Variants in ABCC10 observed in about 807,000 individuals in gnomAD.
ABCC10 encodes ATP binding cassette subfamily C member 10.
A neutral mutation model predicts 143.2 loss-of-function variants in ABCC10; 110 were observed. The observed-to-expected ratio is 0.77, with a 90% CI of 0.66 to 0.90. The LOEUF (loss-of-function observed/expected upper bound fraction) is 0.90, where lower values mean the gene tolerates loss of function less well. Ranked by LOEUF, ABCC10 falls within the 40% of genes least tolerant of loss-of-function variation. The pLI, the probability that ABCC10 is intolerant of heterozygous loss-of-function variation, is 0.00. For missense variants in ABCC10, 1,700 were observed against 1,900.5 expected, an observed-to-expected ratio of 0.89 and a Z score of 1.96; for synonymous variants, 805 against 846.7, an observed-to-expected ratio of 0.95 and a Z score of 0.85.
intron 8 of ABCC10, among the ~76,000 whole-genome samples, chr6:43,439,261 C>G (rs1782075248): frequency 6.6e-6 from 1 of 152,152 alleles, no homozygotes; most frequent in African/African-American, 2.4e-5. Context: ...CCCACCCAAC[C>G]CTGCTGTCCC....
At chr6:43,445,976 T>TG (rs777782601) in intron 15 of ABCC10, 34 bp downstream of exon 15, 5 of 1,585,530 alleles carry the variant, frequency 3.2e-6, no homozygotes, top group Middle Eastern at 1.7e-4. Context: ...GATGAGGTGT[T>TG]GGGGGGAGAG....
At chr6:43,431,139 C>T (rs1025646039) in intron 2 of ABCC10, among the ~76,000 whole-genome samples, 12 of 152,168 alleles carry the variant, frequency 7.9e-5, no homozygotes, top group Non-Finnish European at 1.3e-4. Context: ...CTAAAGGAGT[C>T]GCAAAAGCAA....
chr6:43,434,912 TG>T, intron 4 of ABCC10, 64 bp downstream of exon 4: 2 of 1,539,592 alleles, frequency 1.3e-6, no homozygotes, highest in South Asian at 1.1e-5. Context: ...GACAGAGGCT[TG>T]GGCCCTCAGT....
intron 15 of ABCC10, 152 bp from the exon 16 acceptor site, chr6:43,446,125 A>G: frequency 1.8e-6 from 2 of 1,116,430 alleles, no homozygotes; most frequent in South Asian, 1.5e-5. Flanking sequence ...GAAAGAGCAC[A>G]CTGGCATCTG....
chr6:43,431,727 A>C (rs1318897347), intron 2 of ABCC10: 1 of 790,866 alleles, frequency 1.3e-6, no homozygotes, highest in African/African-American at 1.9e-5. Context: ...ACATGGATAT[A>C]TTATGTGATG....
At position 43,443,814 on chromosome 6, in the gene ABCC10, C is replaced by G; in HGVS notation, c.2417-119C>G. ...CTGCTCGAGGTCTAGGGGTATCCTG[C>G]TAGGGTGGGTTAGACGGGGAGGCCT... On this transcript the variant is annotated intron_variant, in intron 10 of 21. Coordinates refer to ENST00000372530, the MANE Select transcript of ABCC10 (RefSeq NM_001198934.2). The surrounding 1 kb of genome is among the most constrained non-coding windows in gnomAD (Gnocchi z 4.2). 4 of 1,036,430 alleles carry G rather than the reference C, an allele frequency of 3.9e-6. No individual in the cohort carries two copies. The highest frequency in any genetic ancestry group is 6.0e-6 in the Non-Finnish European group (4 of 664,720). 64.2% of individuals were successfully genotyped at this position (1,036,430 alleles called of 1,614,324 possible).
At chr6:43,440,536 G>A (rs1782284133) in intron 8 of ABCC10, among the ~76,000 whole-genome samples, 1 of 152,124 alleles carries the variant, frequency 6.6e-6, no homozygotes, top group Non-Finnish European at 1.5e-5. Context: ...GCCAAGGAGG[G>A]TGGATCGCTT....
Position 43,432,713 on chromosome 6 carries a change from C to G in ABCC10, c.733C>G (p.Gln245Glu), listed in dbSNP as rs1306473049. Residue 245 changes from glutamine to glutamate, a missense_variant, in exon 3 of 22, where the codon CAG (glutamine) becomes GAG (glutamate). Transcript: ENST00000372530. ...RGACGELRQP[Q>E]DICRLPHRLQ... Reference sequence around the variant, plus strand: ...GGCCTGTGGAGAGCTCCGGCAGCCTCAGGACATTTGCCGCCTCCCCCACAG... The same window carrying G: ...GGCCTGTGGAGAGCTCCGGCAGCCTGAGGACATTTGCCGCCTCCCCCACAG... 6.2e-7 allele frequency: 1 copy of G among 1,614,128 alleles called. No homozygotes were observed. Among genetic ancestry groups the G allele is most frequent in the South Asian group, 1.1e-5 (1 of 91,090 alleles).
chr6:43,435,927 C>A lies in ABCC10; in HGVS notation c.1765+20C>A, dbSNP rs751777640. ...GCCCAGGTAATGGGAAGCTAGTGGGCAGAACCTGGCACAGGGTGAGGAGGG... is the reference window on the plus strand; with the variant it reads ...GCCCAGGTAATGGGAAGCTAGTGGGAAGAACCTGGCACAGGGTGAGGAGGG... On this transcript the variant is annotated intron_variant, in intron 5 of 21. Coordinates refer to ENST00000372530, the MANE Select transcript of ABCC10 (RefSeq NM_001198934.2). 2 of 1,613,500 alleles carry A rather than the reference C, an allele frequency of 1.2e-6. No homozygotes were observed. Among genetic ancestry groups the A allele is most frequent in the South Asian group, 2.2e-5 (2 of 91,006 alleles).
rs1298956574 is a variant in ABCC10 at position 43,438,669 on chromosome 6, C to T, written c.2001C>T (p.Gly667=). The part of the protein sequence containing the change: ...VAVRGLSKGF[G]LATQEPWIQF... ...TGCGGGGGCTGTCCAAGGGCTTTGG[C>T]CTGGCCACCCAGGAACCCTGGATCC... The change falls in exon 8 of 22, where the codon GGC becomes GGT. Residue 667 remains glycine, a synonymous_variant. Coordinates refer to ENST00000372530, the MANE Select transcript of ABCC10 (RefSeq NM_001198934.2). 18 of 1,614,178 alleles carry T rather than the reference C, an allele frequency of 1.1e-5. No individual in the cohort carries two copies. Among genetic ancestry groups the T allele is most frequent in the Non-Finnish European group, 1.5e-5 (18 of 1,180,034 alleles).
At chr6:43,431,927 G>A (rs1052188993) in intron 2 of ABCC10, 55 of 1,392,862 alleles carry the variant, frequency 3.9e-5, no homozygotes, top group Middle Eastern at 2.6e-4. Context: ...TCAGGTGGCC[G>A]GTTAGCTCAG....
Position 43,450,368 on chromosome 6 carries a change from T to A in ABCC10, c.*277T>A. On this transcript the variant is annotated 3_prime_UTR_variant, in exon 22 of 22. Coordinates refer to ENST00000372530, the MANE Select transcript of ABCC10 (RefSeq NM_001198934.2). The surrounding 1 kb of genome is among the most constrained non-coding windows in gnomAD (Gnocchi z 4.5). ...GGAGCCCACTTGCATTTTCATAGTT[T>A]TATTTGATAAAATTCCATCTTACAT... The A allele has an allele frequency of 9.8e-7, 1 of 1,023,414 alleles. No homozygotes were observed. Among genetic ancestry groups the A allele is most frequent in the Non-Finnish European group, 1.4e-6 (1 of 734,874 alleles). 63.4% of individuals were successfully genotyped at this position (1,023,414 alleles called of 1,614,324 possible). A position where few individuals can be genotyped will look rare whatever the true frequency, so the allele number is the denominator to read the frequency against.
chr6:43,447,854 G>C lies in ABCC10; in HGVS notation c.3876G>C (p.Val1292=), dbSNP rs1783284439. 1 of 1,613,756 alleles carries C rather than the reference G, an allele frequency of 6.2e-7. No individual in the cohort carries two copies. The highest frequency in any genetic ancestry group is 8.5e-7 in the Non-Finnish European group (1 of 1,180,052). The stretch of plus-strand genomic sequence containing the variant: ...CCGGCAAGTCTTCCCTGTTGTTGGT[G>C]CTCTTCCGGCTGCTAGAGCCCAGTT... ...TGSGKSSLLL[V]LFRLLEPSSG... The change falls in exon 18 of 22, where the codon GTG becomes GTC. Residue 1292 remains valine, a synonymous_variant. Transcript: ENST00000372530.
Position 43,428,156 on chromosome 6 carries a change from G to C in ABCC10, c.161+17G>C, listed in dbSNP as rs778376389. 1 of 1,514,696 alleles carries C rather than the reference G, an allele frequency of 6.6e-7. No individual in the cohort carries two copies. The highest frequency in any genetic ancestry group is 1.4e-5 in the African/African-American group (1 of 72,658). The allele number at this position is 1,514,696 out of a possible 1,614,324, so 93.8% of individuals were successfully genotyped here. On this transcript the variant is annotated intron_variant, in intron 2 of 21. Transcript: ENST00000372530. ...CACCCCGAGGTGGGTAGAGACGGGCGCAAGGCATCTGTCCATGTGTGCCTG... is the reference window on the plus strand; with the variant it reads ...CACCCCGAGGTGGGTAGAGACGGGCCCAAGGCATCTGTCCATGTGTGCCTG...
chr6:43,449,240 G>A (rs920400741), intron 20 of ABCC10, 36 bp downstream of exon 20: 1 of 1,604,246 alleles, frequency 6.2e-7, no homozygotes, highest in African/African-American at 1.3e-5. Flanking sequence ...AGAGGGCCAG[G>A]AAGAAGGCTG....
intron 8 of ABCC10, 140 bp from the exon 9 acceptor site, chr6:43,441,722 G>T: frequency 1.6e-6 from 1 of 616,158 alleles, no homozygotes; most frequent in South Asian, 2.0e-5. Context: ...TGTCTCCTCT[G>T]ACTAGCTCAC....
intron 19 of ABCC10, 24 bp downstream of exon 19, chr6:43,449,050 G>A (rs1460681064): frequency 6.2e-7 from 1 of 1,613,404 alleles, no homozygotes; most frequent in Non-Finnish European, 8.5e-7. Context: ...CCTGACCTTA[G>A]AGCAAGAAGG....
chr6:43,436,208 C>T lies in ABCC10; in HGVS notation c.1836C>T (p.Thr612=). The change falls in exon 6 of 22, where the codon ACC becomes ACT. Residue 612 remains threonine, a synonymous_variant. Transcript: ENST00000372530. ...GALFSWDPVG[T]SLETFISHLE... ...TGTTCTCCTGGGACCCAGTTGGAAC[C>T]AGCCTGGAGACCTTCATCAGTCATC... The T allele has an allele frequency of 1.9e-6, 3 of 1,614,134 alleles. No homozygotes were observed. The highest frequency in any genetic ancestry group is 2.5e-6 in the Non-Finnish European group (3 of 1,180,016).
chr6:43,431,330 C>T (rs928632255), intron 2 of ABCC10, among the ~76,000 whole-genome samples: 2 of 151,224 alleles, frequency 1.3e-5, no homozygotes, highest in Admixed American at 6.6e-5. Flanking sequence ...TGAATATGTA[C>T]CCTTTATCAG....
Sources: gnomAD v4.1 joint callset for allele counts (sites outside exome capture counted in the v4.1 genomes callset) on GRCh38, gnomAD v4.1.1 for gene constraint, Gnocchi (gnomAD v3.1) non-coding constraint, MANE v1.5 for transcripts, NCBI Gene and HGNC (gene_info 2026-07-23, HGNC 2026-07-21) for gene names.